HMG20A: variants seen among roughly 807,000 people sequenced by gnomAD.
HMG20A encodes the protein high mobility group 20A.
A neutral mutation model predicts 43.9 loss-of-function variants in HMG20A; 17 were observed. The ratio of observed to expected loss-of-function variants is 0.39; its 90% confidence interval spans 0.27 to 0.58. The LOEUF (loss-of-function observed/expected upper bound fraction) is 0.58. Among genes scored for constraint, HMG20A ranks in the 20% least tolerant of loss-of-function variants. The pLI is 0.59. For synonymous variants in HMG20A, 132 were observed against 147.5 expected, an observed-to-expected ratio of 0.89 and a Z score of 0.76; for missense variants, 341 against 438.2, an observed-to-expected ratio of 0.78 and a Z score of 1.98.
At chr15:77,421,169 G>A (rs2073321598) in intron 1 of HMG20A, 165 bp downstream of exon 1, 1 of 375,096 alleles carries the variant, frequency 2.7e-6, no homozygotes, top group Admixed American at 4.6e-5. Context: ...AGGCCGTCCT[G>A]GGGAGGGGGG....
intron 1 of HMG20A, among the ~76,000 whole-genome samples, chr15:77,440,196 A>G (rs186166258): frequency 6.6e-6 from 1 of 152,236 alleles, no homozygotes; most frequent in East Asian, 1.9e-4. Flanking sequence ...GTGAACTCCA[A>G]TTTGTCACTT....
the HMG20A span, among the ~76,000 whole-genome samples, chr15:77,510,522 T>C: frequency 6.6e-6 from 1 of 152,202 alleles, no homozygotes; most frequent in Non-Finnish European, 1.5e-5. Context: ...AGCTTCTGCA[T>C]GAGTTGAGTC....
At chr15:77,479,385 T>C in intron 9 of HMG20A, 64 bp downstream of exon 9, 2 of 1,495,242 alleles carry the variant, frequency 1.3e-6, no homozygotes, top group Non-Finnish European at 1.8e-6. Flanking sequence ...GTCATCAGAC[T>C]TTATCAATAC....
intron 3 of HMG20A, 65 bp downstream of exon 3, chr15:77,464,452 G>C: frequency 6.4e-7 from 1 of 1,554,908 alleles, no homozygotes; most frequent in Non-Finnish European, 8.8e-7. Context: ...TCACAAGGAA[G>C]GTGTGTTGAT....
intron 9 of HMG20A, chr15:77,482,348 T>A (rs1050178588): frequency 5.3e-5 from 8 of 152,202 alleles, no homozygotes; most frequent in Non-Finnish European, 1.2e-4. Flanking sequence ...ACCTTTCTTG[T>A]AGCTGAGTAG....
intron 1 of HMG20A, among the ~76,000 whole-genome samples, chr15:77,424,132 A>G (rs779545521): frequency 5.9e-5 from 9 of 152,172 alleles, no homozygotes; most frequent in African/African-American, 1.9e-4. Flanking sequence ...CGTTGTTCAG[A>G]CTGGGTAAAG....
chr15:77,423,798 G>GT (rs2073395944), intron 1 of HMG20A, among the ~76,000 whole-genome samples: 1 of 152,102 alleles, frequency 6.6e-6, no homozygotes, highest in African/African-American at 2.4e-5. Flanking sequence ...TTTTGGTGGT[G>GT]GTTTGTTTTT....
chr15:77,516,427 G>A, the HMG20A span, among the ~76,000 whole-genome samples: 1 of 152,140 alleles, frequency 6.6e-6, no homozygotes, highest in African/African-American at 2.4e-5. Flanking sequence ...AATGAGCCAT[G>A]ATCAAGTTGC....
Position 77,477,469 on chromosome 15 carries a change from A to G in HMG20A, c.616-86A>G, listed in dbSNP as rs111879477. 1,209 of 940,234 alleles carry G rather than the reference A, an allele frequency of 1.3e-3. 10 individuals are homozygous for G. The African/African-American group carries it at 0.016, about 13-fold the overall frequency. The allele number at this position is 940,234 out of a possible 1,614,324, so 58.2% of individuals were successfully genotyped here. On this transcript the variant is annotated intron_variant, in intron 6 of 9. Coordinates refer to ENST00000336216, the MANE Select transcript of HMG20A (RefSeq NM_001304504.2). ...TCCTGCTCACCCTATTCTTTCTTTAAAGAAGACATGATCATTGTCTTCAGG... is the reference window on the plus strand; with the variant it reads ...TCCTGCTCACCCTATTCTTTCTTTAGAGAAGACATGATCATTGTCTTCAGG...
chr15:77,479,090 C>A, intron 8 of HMG20A, 89 bp from the exon 9 acceptor site: 1 of 1,264,100 alleles, frequency 7.9e-7, no homozygotes, highest in Non-Finnish European at 1.1e-6. Context: ...TGGAGCAGAC[C>A]ACATTAGAAT....
At chr15:77,441,289 A>G (rs1326911561) in intron 1 of HMG20A, among the ~76,000 whole-genome samples, 1 of 152,162 alleles carries the variant, frequency 6.6e-6, no homozygotes, top group East Asian at 1.9e-4. Flanking sequence ...CCAGATAGCA[A>G]ATAAATATGA....
intron 1 of HMG20A, among the ~76,000 whole-genome samples, chr15:77,438,326 A>C (rs549348936): frequency 5.9e-5 from 9 of 151,966 alleles, no homozygotes; most frequent in Non-Finnish European, 8.8e-5. Flanking sequence ...AAGAAAAGTT[A>C]GTCTAATCGC....
At chr15:77,461,495 T>C (rs1166461385) in intron 2 of HMG20A, among the ~76,000 whole-genome samples, 1 of 152,124 alleles carries the variant, frequency 6.6e-6, no homozygotes, top group Non-Finnish European at 1.5e-5. Flanking sequence ...TGCCCCTGAG[T>C]AGGCAAGAGG....
At chr15:77,435,175 G>A (rs1240191935) in intron 1 of HMG20A, among the ~76,000 whole-genome samples, 1 of 152,152 alleles carries the variant, frequency 6.6e-6, no homozygotes, top group Non-Finnish European at 1.5e-5. Context: ...GGGGCATAAG[G>A]TAGGGGATTT....
At chr15:77,428,285 G>T (rs1231198387) in intron 1 of HMG20A, among the ~76,000 whole-genome samples, 1 of 152,222 alleles carries the variant, frequency 6.6e-6, no homozygotes, top group Non-Finnish European at 1.5e-5. Flanking sequence ...GAGGAAGGCA[G>T]CTGTAGAAAA....
chr15:77,429,040 A>G (rs2073456365), intron 1 of HMG20A, among the ~76,000 whole-genome samples: 1 of 151,784 alleles, frequency 6.6e-6, no homozygotes, highest in Non-Finnish European at 1.5e-5. Flanking sequence ...ATTTATATGT[A>G]TAATTTTTAA....
At chr15:77,450,079 A>G (rs1205154493) in intron 1 of HMG20A, among the ~76,000 whole-genome samples, 2 of 152,216 alleles carry the variant, frequency 1.3e-5, no homozygotes, top group African/African-American at 2.4e-5. Context: ...GCCTGGGACC[A>G]GAAGTGTTTC....
chr15:77,449,281 G>A (rs2073709249), intron 1 of HMG20A, among the ~76,000 whole-genome samples: 1 of 151,658 alleles, frequency 6.6e-6, no homozygotes, highest in Non-Finnish European at 1.5e-5. Flanking sequence ...CTCCTAAATT[G>A]CCTCTTCTCT....
chr15:77,471,511 G>A (rs998305122), intron 5 of HMG20A, among the ~76,000 whole-genome samples: 57 of 152,242 alleles, frequency 3.7e-4, no homozygotes, highest in African/African-American at 1.3e-3. Flanking sequence ...GTAGTCTTTG[G>A]TTTGTGTCTT....
Sources: gnomAD v4.1 joint callset for allele counts (sites outside exome capture counted in the v4.1 genomes callset) on GRCh38, gnomAD v4.1.1 for gene constraint, MANE v1.5 for transcripts, NCBI Gene and HGNC (gene_info 2026-07-23, HGNC 2026-07-21) for gene names.